The following FAM53C variants were observed in gnomAD, a reference collection of about 807,000 sequenced individuals.
FAM53C encodes the protein family with sequence similarity 53 member C.
FAM53C carries 10 observed loss-of-function variants against 34.7 expected under a neutral mutation model. The observed-to-expected ratio is 0.29, with a 90% CI of 0.18 to 0.49. The LOEUF is 0.49. FAM53C is among the 20% of genes least tolerant of loss of function. The probability of loss-of-function intolerance (pLI) is 0.99; values close to 1 mark genes in which losing one functional copy is unlikely to be tolerated. For missense variants in FAM53C, 442 were observed against 515.3 expected (o/e 0.86, Z 1.38); for synonymous variants, 203 against 203.6 (o/e 1.00, Z 0.03).
In FAM53C at chr5:138,348,432, G is replaced by T. The variant is rs4467701; in HGVS notation, c.*1473G>T. ...ATAGCTTGTGAGGTTTTATCCAGCT[G>T]TGGTTAGACCCTGCATGACCAAATT... On this transcript the variant is annotated 3_prime_UTR_variant, in exon 5 of 5. Coordinates refer to ENST00000239906, the MANE Select transcript of FAM53C (RefSeq NM_016605.3). 149,818 of 152,330 alleles carry T rather than the reference G, an allele frequency of 0.98. 73,750 individuals are homozygous for T. The highest frequency in any genetic ancestry group is 1 in the East Asian group (5,178 of 5,178). 9.4% of individuals were successfully genotyped at this position (152,330 alleles called of 1,614,324 possible).
chr5:138,337,956 C>T, upstream of FAM53C: 1 of 1,289,392 alleles, frequency 7.8e-7, no homozygotes, highest in Non-Finnish European at 1.0e-6. Context: ...CTTTGTTTAC[C>T]TTCTTCCGAC....
Position 138,345,296 on chromosome 5 carries a change from C to G in FAM53C, c.608C>G (p.Ser203Cys). The G allele has an allele frequency of 6.2e-7, 1 of 1,614,242 alleles. No individual in the cohort carries two copies. The highest frequency in any genetic ancestry group is 8.5e-7 in the Non-Finnish European group (1 of 1,180,040). The change falls in exon 4 of 5, where the codon TCT (serine) becomes TGT (cysteine). Residue 203 changes from serine to cysteine, a missense_variant. Coordinates refer to ENST00000239906, the MANE Select transcript of FAM53C (RefSeq NM_016605.3). The surrounding 1 kb of genome is among the most constrained non-coding windows in gnomAD (Gnocchi z 6.3). ...AGCCTGGCCCTGGCCCAAGATTCCT[C>G]TCGACCCTGCGCCGCCTCCCCTCAA... Reference protein sequence around the residue: ...FFSLALAQDSSRPCAASPQSG... With the variant: ...FFSLALAQDSCRPCAASPQSG...
Position 138,347,259 on chromosome 5 carries a change from C to T in FAM53C, c.*300C>T. Reference sequence around the variant, plus strand: ...AATGGGCAGGGAAGGAAGGGGTCTGCCGACCCCAGCTCGGGGAATTTCACT... The same window carrying T: ...AATGGGCAGGGAAGGAAGGGGTCTGTCGACCCCAGCTCGGGGAATTTCACT... On this transcript the variant is annotated 3_prime_UTR_variant, in exon 5 of 5. Transcript: ENST00000239906. The T allele has an allele frequency of 4.7e-6, 2 of 424,554 alleles. No homozygotes were observed. Among genetic ancestry groups the T allele is most frequent in the South Asian group, 2.5e-5 (1 of 39,230 alleles). The allele number at this position is 424,554 out of a possible 1,614,324, so 26.3% of individuals were successfully genotyped here.
chr5:138,346,397 A>G (rs998088233), intron 4 of FAM53C, among the ~76,000 whole-genome samples: 1 of 152,248 alleles, frequency 6.6e-6, no homozygotes, highest in Admixed American at 6.5e-5. Flanking sequence ...AGGCCAAGGC[A>G]GGCGGATCAT....
intron 1 of FAM53C, among the ~76,000 whole-genome samples, chr5:138,338,710 T>C (rs1005963692): frequency 9.6e-5 from 13 of 136,024 alleles, no homozygotes; most frequent in Non-Finnish European, 2.1e-4. Flanking sequence ...TTCATGGGGG[T>C]GGGGGGAGGG....
At chr5:138,338,903 G>A (rs1760925382) in intron 1 of FAM53C, among the ~76,000 whole-genome samples, 1 of 152,210 alleles carries the variant, frequency 6.6e-6, no homozygotes, top group African/African-American at 2.4e-5. Flanking sequence ...CCTCCCTGTT[G>A]GCCTGACCTG....
intron 3 of FAM53C, chr5:138,342,324 G>C (rs930920105): frequency 1.9e-5 from 3 of 155,910 alleles, no homozygotes; most frequent in African/African-American, 4.8e-5. Context: ...TGCAGAACGT[G>C]CAGGTTCGTT....
intron 1 of FAM53C, among the ~76,000 whole-genome samples, chr5:138,338,837 C>G (rs998976030): frequency 2.0e-5 from 3 of 152,330 alleles, no homozygotes; most frequent in South Asian, 2.1e-4. Flanking sequence ...TTCAGTCTCC[C>G]CAGGAGGTGT....
intron 1 of FAM53C, among the ~76,000 whole-genome samples, chr5:138,339,092 C>T (rs1244334893): frequency 1.3e-5 from 2 of 152,178 alleles, no homozygotes; most frequent in Non-Finnish European, 2.9e-5. Flanking sequence ...GGCCTAGCGG[C>T]CTGCTGCTCT....
rs1463289271 is a variant in FAM53C at position 138,347,054 on chromosome 5, TG to T, written c.*100del. 1.3e-6 allele frequency: 2 copies of T among 1,529,524 alleles called. No homozygotes were observed. Among genetic ancestry groups the T allele is most frequent in the Non-Finnish European group, 8.9e-7 (1 of 1,128,064 alleles). The allele number at this position is 1,529,524 out of a possible 1,614,324, so 94.7% of individuals were successfully genotyped here. ...CAAGGCTGGGGGCCGAGCCTGGGAA[TG>T]GGGGTGAGTGGAGGGCTCCGACTCA... On this transcript the variant is annotated 3_prime_UTR_variant, in exon 5 of 5. Transcript: ENST00000239906.
At chr5:138,340,923 T>G (rs1487059154) in intron 1 of FAM53C, among the ~76,000 whole-genome samples, 2 of 152,256 alleles carry the variant, frequency 1.3e-5, no homozygotes, top group African/African-American at 4.8e-5. Context: ...GGTATTCCAG[T>G]TAGAAACAAC....
intron 3 of FAM53C, chr5:138,343,613 TATTA>T (rs371310040): frequency 6.6e-6 from 1 of 152,296 alleles, no homozygotes; most frequent in African/African-American, 2.4e-5. Context: ...ATTCGTAGAT[TATTA>T]ATTACTGAGT....
rs575504044 is a variant in FAM53C, at chr5:138,344,696, G to A, written c.137-129G>A. The A allele has an allele frequency of 9.7e-5, 68 of 700,660 alleles. 2 individuals are homozygous for A. In the South Asian group the frequency reaches 1.7e-3, roughly 17 times the overall value. The allele number at this position is 700,660 out of a possible 1,614,324, so 43.4% of individuals were successfully genotyped here. Reference sequence around the variant, plus strand: ...TCTGTGAAATGGGGATAATGATAACGATACTACCTACCTCATAAGGTTTTT... The same window carrying A: ...TCTGTGAAATGGGGATAATGATAACAATACTACCTACCTCATAAGGTTTTT... On this transcript the variant is annotated intron_variant, in intron 3 of 4. Coordinates refer to ENST00000239906, the MANE Select transcript of FAM53C (RefSeq NM_016605.3).
rs772440318 is a variant in FAM53C at position 138,345,231 on chromosome 5, A to G, written c.543A>G (p.Gln181=). The part of the protein sequence containing the change: ...RFLQAPSASS[Q]CAPAHRPYSP... ...TCCAAGCTCCCAGTGCCTCTTCTCA[A>G]TGTGCCCCAGCTCACAGACCCTACA... The change falls in exon 4 of 5, where the codon CAA becomes CAG. Residue 181 remains glutamine (Q), a synonymous_variant. Coordinates refer to ENST00000239906, the MANE Select transcript of FAM53C (RefSeq NM_016605.3). This position sits in a 1 kb window ranked among gnomAD's most constrained non-coding sequence, Gnocchi z 6.3. 5.6e-6 allele frequency: 9 copies of G among 1,614,056 alleles called. No individual in the cohort carries two copies. The East Asian group carries it at 8.9e-5, about 16-fold the overall frequency.
At chr5:138,344,442 G>A (rs917782026) in intron 3 of FAM53C, among the ~76,000 whole-genome samples, 2 of 152,256 alleles carry the variant, frequency 1.3e-5, no homozygotes, top group Admixed American at 1.3e-4. Context: ...AGGGAGAGAT[G>A]AGCAGGACAC....
Position 138,338,303 on chromosome 5 carries a change from C to G in FAM53C, c.-157C>G, listed in dbSNP as rs568779655. 2.8e-5 allele frequency: 17 copies of G among 607,446 alleles called. No individual in the cohort carries two copies. Among genetic ancestry groups the G allele is most frequent in the South Asian group, 1.9e-4 (13 of 67,194 alleles). The allele number at this position is 607,446 out of a possible 1,614,324, so 37.6% of individuals were successfully genotyped here. On this transcript the variant is annotated 5_prime_UTR_variant, in exon 1 of 5. Transcript: ENST00000239906. ...GCCGCGGCCCTGGGAGCTGGAGGAA[C>G]CGCGGTAGGTGGTGGAGGGCAGGTG... is the stretch of plus-strand genomic sequence containing the variant.
intron 1 of FAM53C, among the ~76,000 whole-genome samples, chr5:138,340,283 A>T (rs1760997344): frequency 6.6e-6 from 1 of 152,216 alleles, no homozygotes; most frequent in African/African-American, 2.4e-5. Flanking sequence ...AGATTTCTTG[A>T]TGATTTGTTC....
At chr5:138,340,094 T>G (rs990536520) in intron 1 of FAM53C, among the ~76,000 whole-genome samples, 1 of 152,214 alleles carries the variant, frequency 6.6e-6, no homozygotes, top group African/African-American at 2.4e-5. Flanking sequence ...GAACGAGAAA[T>G]GGTAGTCTGT....
At chr5:138,338,517 G>C (rs1760894948) in intron 1 of FAM53C, among the ~76,000 whole-genome samples, 1 of 152,122 alleles carries the variant, frequency 6.6e-6, no homozygotes, top group East Asian at 1.9e-4. Flanking sequence ...TCCTGAGTTC[G>C]CTTCCCGCGG....
Sources: allele counts gnomAD v4.1 joint callset (sites outside exome capture counted in the v4.1 genomes callset), GRCh38; gene constraint gnomAD v4.1.1; non-coding constraint Gnocchi (gnomAD v3.1); transcripts MANE v1.5; gene names NCBI Gene and HGNC (gene_info 2026-07-23, HGNC 2026-07-21).